MAPRE1: variants seen among roughly 807,000 people sequenced by gnomAD.
MAPRE1 encodes the protein microtubule associated protein RP/EB family member 1.
Under a neutral mutation model 32.1 loss-of-function variants are expected in MAPRE1, and 5 were observed. The observed-to-expected ratio is 0.16, with a 90% CI of 0.08 to 0.33. MAPRE1 has a LOEUF of 0.33. MAPRE1 is among the 10% of genes least tolerant of loss of function. MAPRE1 has a pLI of 1.00. For missense variants in MAPRE1, 209 were observed against 327.2 expected, an observed-to-expected ratio of 0.64 and a Z score of 2.79; for synonymous variants, 122 against 118.9, an observed-to-expected ratio of 1.03 and a Z score of -0.17.
chr20:32,834,017 G>A (rs1375010944), intron 3 of MAPRE1, among the ~76,000 whole-genome samples, 155 bp downstream of exon 3: 1 of 152,066 alleles, frequency 6.6e-6, no homozygotes, highest in Non-Finnish European at 1.5e-5. Context: ...GGAGCAGTTT[G>A]CCCCTACCTT....
At chr20:32,843,992 T>TA (rs1429296193) in intron 5 of MAPRE1, among the ~76,000 whole-genome samples, 2 of 152,110 alleles carry the variant, frequency 1.3e-5, no homozygotes, top group African/African-American at 4.8e-5. Context: ...TAGCTAGGAT[T>TA]ATAGGTGCCT....
intron 2 of MAPRE1, among the ~76,000 whole-genome samples, chr20:32,831,595 C>T (rs759635379): frequency 8.0e-5 from 12 of 150,718 alleles, no homozygotes; most frequent in Non-Finnish European, 1.5e-4. Flanking sequence ...ATGAATGGTG[C>T]GATCTCAGCT....
intron 5 of MAPRE1, among the ~76,000 whole-genome samples, chr20:32,843,830 C>A (rs1296789633): frequency 6.6e-6 from 1 of 151,674 alleles, no homozygotes; most frequent in African/African-American, 2.4e-5. Context: ...CTAAGAGTGA[C>A]CTTAATTACT....
intron 4 of MAPRE1, among the ~76,000 whole-genome samples, chr20:32,839,308 G>A (rs954493405): frequency 2.0e-5 from 3 of 152,166 alleles, no homozygotes; most frequent in Non-Finnish European, 4.4e-5. Context: ...TTTGCTCTAC[G>A]AAGCTGGATT....
At chr20:32,834,153 G>C (rs1466577792) in intron 3 of MAPRE1, among the ~76,000 whole-genome samples, 1 of 152,104 alleles carries the variant, frequency 6.6e-6, no homozygotes, top group Non-Finnish European at 1.5e-5. Context: ...GTAATCTCTA[G>C]TAGTCTGGAA....
At chr20:32,841,058 C>T (rs746157359) in intron 5 of MAPRE1, among the ~76,000 whole-genome samples, 4 of 152,254 alleles carry the variant, frequency 2.6e-5, no homozygotes, top group Non-Finnish European at 5.9e-5. Flanking sequence ...TCAGATGATC[C>T]ACCTGCCTTG....
intron 1 of MAPRE1, among the ~76,000 whole-genome samples, chr20:32,823,593 G>A (rs1388074598): frequency 2.6e-5 from 4 of 152,218 alleles, no homozygotes; most frequent in Non-Finnish European, 5.9e-5. Context: ...ACTGTAATGA[G>A]AGCAAGATTC....
At chr20:32,826,501 T>A (rs1051853196) in intron 2 of MAPRE1, among the ~76,000 whole-genome samples, 2 of 140,822 alleles carry the variant, frequency 1.4e-5, no homozygotes, top group Non-Finnish European at 3.0e-5. Context: ...ATTACAGGTG[T>A]GAGCCACCAC....
intron 3 of MAPRE1, among the ~76,000 whole-genome samples, chr20:32,834,694 T>G: frequency 6.6e-6 from 1 of 152,210 alleles, no homozygotes; most frequent in East Asian, 1.9e-4. Context: ...AGAATATCAC[T>G]TAACTTTCCA....
intron 5 of MAPRE1, among the ~76,000 whole-genome samples, chr20:32,841,626 C>T (rs776049036): frequency 7.9e-5 from 11 of 138,776 alleles, no homozygotes; most frequent in Admixed American, 2.2e-4. Context: ...CTCCCCCCAC[C>T]GCACAACAGT....
intron 5 of MAPRE1, among the ~76,000 whole-genome samples, chr20:32,841,359 A>T (rs888659881): frequency 1.3e-5 from 2 of 152,060 alleles, no homozygotes; most frequent in Admixed American, 6.6e-5. Flanking sequence ...GAGAGTAAAG[A>T]GTGGTTAATG....
At chr20:32,835,191 C>CTCCA (rs1466371496) in intron 3 of MAPRE1, among the ~76,000 whole-genome samples, 2 of 152,096 alleles carry the variant, frequency 1.3e-5, no homozygotes, top group African/African-American at 4.8e-5. Context: ...CAGCATAAGA[C>CTCCA]TCCAGCCTGG....
At chr20:32,829,410 A>G (rs1982957084) in intron 2 of MAPRE1, among the ~76,000 whole-genome samples, 1 of 152,178 alleles carries the variant, frequency 6.6e-6, no homozygotes, top group Admixed American at 6.5e-5. Flanking sequence ...GTGTTTAGAA[A>G]ATGAGGTCTT....
At chr20:32,841,415 G>A (rs936560139) in intron 5 of MAPRE1, among the ~76,000 whole-genome samples, 5 of 151,390 alleles carry the variant, frequency 3.3e-5, no homozygotes, top group African/African-American at 7.3e-5. Context: ...CCGAGAGAGC[G>A]TGCCAGGTTC....
At chr20:32,846,244 A>G (rs532321152) in intron 5 of MAPRE1, among the ~76,000 whole-genome samples, 3 of 152,226 alleles carry the variant, frequency 2.0e-5, no homozygotes, top group East Asian at 1.9e-4. Flanking sequence ...TGACCCCCTC[A>G]TGCAATCAGA....
intron 2 of MAPRE1, among the ~76,000 whole-genome samples, chr20:32,833,330 A>AG (rs1983094567): frequency 6.6e-6 from 1 of 152,206 alleles, no homozygotes; most frequent in African/African-American, 2.4e-5. Context: ...TGCCTCCTGA[A>AG]GAGGAGGGTA....
chr20:32,824,655 C>T (rs1301023202), intron 1 of MAPRE1, among the ~76,000 whole-genome samples: 1 of 150,276 alleles, frequency 6.7e-6, no homozygotes, highest in African/African-American at 2.4e-5. Flanking sequence ...AGCTGATTTA[C>T]TTTTTCAATT....
At chr20:32,820,987 A>G (rs933748377) in intron 1 of MAPRE1, among the ~76,000 whole-genome samples, 3 of 151,212 alleles carry the variant, frequency 2.0e-5, no homozygotes, top group African/African-American at 7.3e-5. Flanking sequence ...TGTGTCTTTT[A>G]ATACTAACAC....
At chr20:32,823,114 A>T (rs1982746129) in intron 1 of MAPRE1, among the ~76,000 whole-genome samples, 1 of 152,114 alleles carries the variant, frequency 6.6e-6, no homozygotes, top group African/African-American at 2.4e-5. Context: ...TGCCTGGGAG[A>T]TGTGAGGGCA....
Sources: gnomAD v4.1 joint callset for allele counts (sites outside exome capture counted in the v4.1 genomes callset) on GRCh38, gnomAD v4.1.1 for gene constraint, MANE v1.5 for transcripts, NCBI Gene and HGNC (gene_info 2026-07-23, HGNC 2026-07-21) for gene names.